Variants in PCDHA1 observed in about 807,000 individuals in gnomAD.
PCDHA1 encodes protocadherin alpha-1.
A neutral mutation model predicts 61.3 loss-of-function variants in PCDHA1; 42 were observed. The observed-to-expected ratio is 0.69, with a 90% confidence interval of 0.54 to 0.89. PCDHA1 has a LOEUF of 0.89. Among genes scored for constraint, PCDHA1 ranks in the 40% least tolerant of loss-of-function variants. The pLI, the probability that PCDHA1 is intolerant of heterozygous loss-of-function variation, is 0.00. For synonymous variants in PCDHA1, 610 were observed against 553.8 expected, an observed-to-expected ratio of 1.10 and a Z score of -1.43; for missense variants, 1,256 against 1,235.3, an observed-to-expected ratio of 1.02 and a Z score of -0.25.
chr5:140,801,681 A>G, intron 1 of PCDHA1: 12 of 1,614,248 alleles, frequency 7.4e-6, no homozygotes, highest in Non-Finnish European at 9.3e-6. Context: ...AGATGCAGAT[A>G]TCGGAACAAA....
intron 3 of PCDHA1, among the ~76,000 whole-genome samples, chr5:141,008,816 C>T (rs2098391999): frequency 6.6e-6 from 1 of 152,190 alleles, no homozygotes; most frequent in African/African-American, 2.4e-5. Context: ...GCTCAATTTA[C>T]AACAGGATTC....
chr5:140,827,973 TC>T, intron 1 of PCDHA1: 3 of 1,400,782 alleles, frequency 2.1e-6, no homozygotes, highest in Non-Finnish European at 2.9e-6. Flanking sequence ...ACTGCATCAT[TC>T]CCTGACTGTT....
At chr5:140,829,268 G>C (rs2150164967) in intron 1 of PCDHA1, 4 of 1,614,210 alleles carry the variant, frequency 2.5e-6, no homozygotes, top group East Asian at 2.2e-5. Flanking sequence ...GACGCCTCAC[G>C]TCCCTTTCAA....
chr5:140,928,736 T>C, intron 1 of PCDHA1: 1 of 1,614,174 alleles, frequency 6.2e-7, no homozygotes, highest in Non-Finnish European at 8.5e-7. Flanking sequence ...TCAGCCAATA[T>C]AGGTGAGCTC....
intron 1 of PCDHA1, chr5:140,815,403 C>G (rs1327128573): frequency 6.6e-6 from 1 of 151,940 alleles, no homozygotes; most frequent in African/African-American, 2.4e-5. Context: ...TTTTAAAACT[C>G]TTATAAAAAT....
chr5:140,796,653 G>T (rs782653959), intron 1 of PCDHA1: 4 of 1,613,844 alleles, frequency 2.5e-6, no homozygotes, highest in Non-Finnish European at 3.4e-6. Flanking sequence ...ACAACGCGCC[G>T]GCACTGTTGG....
intron 1 of PCDHA1, chr5:140,856,501 T>C (rs781967300): frequency 6.3e-7 from 1 of 1,598,302 alleles, no homozygotes; most frequent in Admixed American, 1.7e-5. Flanking sequence ...ACTCTCGATT[T>C]CCACTAGAAG....
In PCDHA1 at chr5:140,967,289, C is replaced by A. The variant is rs782440125; in HGVS notation, c.2395-11660C>A. ...CTTTCACATAGAGAGTGCGCAGGAC[C>A]CCGACGTGGGCGCCAACTCAGTACA... On this transcript the variant is annotated intron_variant, in intron 1 of 3. Transcript: ENST00000504120. 3 of 1,612,910 alleles carry A rather than the reference C, an allele frequency of 1.9e-6. No homozygotes were observed. The East Asian group carries it at 6.7e-5, about 36-fold the overall frequency.
chr5:140,825,404 A>T (rs1554130224), intron 1 of PCDHA1: 1 of 146,194 alleles, frequency 6.8e-6, no homozygotes, highest in Non-Finnish European at 1.5e-5. Context: ...AATATATTAT[A>T]TATTTTATAT....
intron 1 of PCDHA1, chr5:140,881,999 A>C: frequency 2.1e-6 from 1 of 471,262 alleles, no homozygotes. Context: ...AGGAAATGCA[A>C]GGGGCAAAAA....
rs149846721 is a variant in PCDHA1 at position 140,856,069 on chromosome 5, C to T, written c.2394+67385C>T. ...ATAAGATGGTTTCCAGATGTAGCTG[C>T]CTGGGGGTCCAGTGTCTGCTGCTCT... is the stretch of plus-strand genomic sequence containing the variant. On this transcript the variant is annotated intron_variant, in intron 1 of 3. Transcript: ENST00000504120. 2.1e-5 allele frequency: 33 copies of T among 1,591,484 alleles called. 2 individuals carry two copies. In the African/African-American group the frequency reaches 3.4e-4, roughly 16 times the overall value.
intron 1 of PCDHA1, chr5:140,926,986 C>A (rs782199565): frequency 8.1e-6 from 13 of 1,610,594 alleles, no homozygotes; most frequent in Non-Finnish European, 2.5e-6. Flanking sequence ...GGAGACGGAG[C>A]GGGGCGTAGC....
At chr5:140,794,238 C>T (rs373596927) in intron 1 of PCDHA1, among the ~76,000 whole-genome samples, 11 of 151,948 alleles carry the variant, frequency 7.2e-5, no homozygotes, top group African/African-American at 2.7e-4. Flanking sequence ...CCTTGAGGAA[C>T]CATCCACGGA....
intron 1 of PCDHA1, chr5:140,806,974 C>G (rs1470394159): frequency 1.6e-6 from 1 of 618,728 alleles, no homozygotes. Flanking sequence ...TTGCTACTTA[C>G]GGTTTGGAGC....
intron 1 of PCDHA1, chr5:140,801,171 C>A: frequency 6.4e-7 from 1 of 1,563,956 alleles, no homozygotes. Flanking sequence ...AATGTAAAGG[C>A]AATCTAATAT....
intron 3 of PCDHA1, among the ~76,000 whole-genome samples, chr5:141,001,760 G>A (rs2098035777): frequency 6.6e-6 from 1 of 152,146 alleles, no homozygotes; most frequent in South Asian, 2.1e-4. Flanking sequence ...GGTTGATGGC[G>A]GATGGTTTTT....
chr5:140,994,379 G>A (rs2097618506), intron 3 of PCDHA1, among the ~76,000 whole-genome samples: 1 of 152,112 alleles, frequency 6.6e-6, no homozygotes. Flanking sequence ...AAATTCAGGG[G>A]ACTAAGTCAG....
intron 2 of PCDHA1, chr5:140,982,223 TA>T: frequency 5.2e-6 from 3 of 580,212 alleles, no homozygotes; most frequent in East Asian, 4.0e-5. Context: ...ATGGCGTTAA[TA>T]AAAAACAGAA....
At chr5:140,966,626 C>T in intron 1 of PCDHA1, 9 of 925,184 alleles carry the variant, frequency 9.7e-6, no homozygotes, top group South Asian at 9.6e-5. Flanking sequence ...GAGGGAGCGG[C>T]CCCAGGCGCT....
Sources: allele counts gnomAD v4.1 joint callset (sites outside exome capture counted in the v4.1 genomes callset), GRCh38; gene constraint gnomAD v4.1.1; transcripts MANE v1.5; gene names NCBI Gene and HGNC (gene_info 2026-07-23, HGNC 2026-07-21).